KIRREL3: variants seen among roughly 807,000 people sequenced by gnomAD.
KIRREL3 encodes kirre like nephrin family adhesion molecule 3, also known as kin of IRRE-like protein 3.
In KIRREL3, 36 loss-of-function variants were observed where a neutral mutation model predicts 89.7. The ratio of observed to expected loss-of-function variants is 0.40; its 90% CI spans 0.31 to 0.53. KIRREL3 has a LOEUF of 0.53. Ranked by LOEUF, KIRREL3 falls within the 20% of genes least tolerant of loss-of-function variation. The pLI, the probability that KIRREL3 is intolerant of heterozygous loss-of-function variation, is 0.49. For missense variants in KIRREL3, 864 were observed against 1,056.6 expected, an observed-to-expected ratio of 0.82 and a Z score of 2.53; for synonymous variants, 445 against 441.4, an observed-to-expected ratio of 1.01 and a Z score of -0.10.
At position 126,480,184 on chromosome 11, in the gene KIRREL3, A is replaced by C. The variant is rs992156150; in HGVS notation, c.434-6718T>G. Among the ~76,000 whole-genome samples the C allele has an allele frequency of 3.3e-5, 5 of 152,344 alleles. No individual in the cohort carries two copies. The South Asian group carries it at 1.0e-3, about 32-fold the overall frequency. Reference sequence around the variant, plus strand: ...CACTTTATGAGCCATATGATTGTAGACAAGTTATATAATCCGACAACCTTA... The same window carrying C: ...CACTTTATGAGCCATATGATTGTAGCCAAGTTATATAATCCGACAACCTTA... On this transcript the variant is annotated intron_variant, in intron 4 of 16. Transcript: ENST00000525144.
chr11:126,716,762 A>C (rs12276142), intron 1 of KIRREL3, among the ~76,000 whole-genome samples: 110,149 of 129,854 alleles, frequency 0.85, 46,111 homozygotes, highest in East Asian at 0.99. Context: ...GGGGGGGGGA[A>C]GTGTGGGGGA....
intron 6 of KIRREL3, among the ~76,000 whole-genome samples, chr11:126,458,401 C>T (rs948758136): frequency 6.7e-6 from 1 of 149,212 alleles, no homozygotes; most frequent in Non-Finnish European, 1.5e-5. Flanking sequence ...GTCCTGAGAC[C>T]CTCAGAGAGT....
At chr11:126,827,600 T>A (rs182760427) in intron 1 of KIRREL3, among the ~76,000 whole-genome samples, 1 of 152,364 alleles carries the variant, frequency 6.6e-6, no homozygotes, top group East Asian at 1.9e-4. Context: ...TGAACCAGTT[T>A]TGAAAATAAG....
rs549243453 is a variant in KIRREL3 at position 126,886,003 on chromosome 11, C to A, written c.55+114452G>T. On this transcript the variant is annotated intron_variant, in intron 1 of 16. Coordinates refer to ENST00000525144, the MANE Select transcript of KIRREL3 (RefSeq NM_032531.4). ...CTTCCCACATTTAATGCGTTCCTCA[C>A]TTTAATTTTGCATTCTCATCTGCTC... Among the ~76,000 whole-genome samples the A allele has an allele frequency of 2.0e-5, 3 of 152,320 alleles. No homozygotes were observed. In the South Asian group the frequency reaches 6.2e-4, roughly 32 times the overall value.
chr11:126,789,441 G>T (rs1950572302), intron 1 of KIRREL3, among the ~76,000 whole-genome samples: 3 of 152,072 alleles, frequency 2.0e-5, no homozygotes, highest in Admixed American at 1.3e-4. Context: ...CTCACACTCT[G>T]TTCTGGCTGC....
chr11:126,741,013 A>T (rs1457082124), intron 1 of KIRREL3, among the ~76,000 whole-genome samples: 1 of 152,148 alleles, frequency 6.6e-6, no homozygotes. Context: ...CACCACAAGG[A>T]GCTCATTCCT....
At chr11:126,536,667 T>C (rs945120325) in intron 2 of KIRREL3, among the ~76,000 whole-genome samples, 1 of 99,074 alleles carries the variant, frequency 1.0e-5, no homozygotes, top group African/African-American at 3.9e-5. Flanking sequence ...TTTTTTTTTT[T>C]GAGTCTCGTT....
At chr11:126,560,691 A>G (rs1043331988) in intron 2 of KIRREL3, among the ~76,000 whole-genome samples, 1 of 152,264 alleles carries the variant, frequency 6.6e-6, no homozygotes, top group African/African-American at 2.4e-5. Flanking sequence ...ACTGTTAAAC[A>G]GAACAAATAT....
rs1955652694 is a variant in KIRREL3, at chr11:126,443,180, G to T, written c.1252+1799C>A. On this transcript the variant is annotated intron_variant, in intron 10 of 16. Transcript: ENST00000525144. The surrounding 1 kb of genome is among the most constrained non-coding windows in gnomAD (Gnocchi z 7.3). ...CTCATTTGATGCTCCAGGCTTGGGG[G>T]CCCTGGAGTGCATGAGTGAGTGTGA... Among the ~76,000 whole-genome samples, 1 of 152,196 alleles carries T rather than the reference G, an allele frequency of 6.6e-6. No homozygotes were observed. The highest frequency in any genetic ancestry group is 1.9e-4 in the East Asian group (1 of 5,184).
At chr11:126,840,893 G>A (rs2134522109) in intron 1 of KIRREL3, among the ~76,000 whole-genome samples, 1 of 152,328 alleles carries the variant, frequency 6.6e-6, no homozygotes, top group African/African-American at 2.4e-5. Flanking sequence ...AAAAGAAGCT[G>A]TAAAGTGCTT....
At chr11:126,629,731 C>G (rs1349732694) in intron 1 of KIRREL3, among the ~76,000 whole-genome samples, 1 of 152,194 alleles carries the variant, frequency 6.6e-6, no homozygotes, top group Admixed American at 6.5e-5. Flanking sequence ...TTTTCTGGCG[C>G]TTTCTTTGTG....
chr11:126,804,465 T>C (rs1227400035), intron 1 of KIRREL3, among the ~76,000 whole-genome samples: 1 of 152,190 alleles, frequency 6.6e-6, no homozygotes, highest in African/African-American at 2.4e-5. Flanking sequence ...AAATCTCCTC[T>C]TGTTTGTGGA....
At chr11:126,935,751 C>T (rs1287275717) in intron 1 of KIRREL3, 1 of 152,118 alleles carries the variant, frequency 6.6e-6, no homozygotes, top group Non-Finnish European at 1.5e-5. Context: ...AAGTAGGGCA[C>T]AGAGGATTTT....
rs530232332 is a variant in KIRREL3, at chr11:126,453,735, G to A, written c.848+2614C>T. Among the ~76,000 whole-genome samples the A allele has an allele frequency of 2.4e-3, 370 of 152,252 alleles. 1 individual carries two copies. The highest frequency in any genetic ancestry group is 3.9e-3 in the Non-Finnish European group (267 of 68,018). ...CTGGCTCTCTGGCATTAACCTGGGGGCCGGAGGGGCTCCCTGAAAGCCTCT... is the reference window on the plus strand; with the variant it reads ...CTGGCTCTCTGGCATTAACCTGGGGACCGGAGGGGCTCCCTGAAAGCCTCT... On this transcript the variant is annotated intron_variant, in intron 7 of 16. Coordinates refer to ENST00000525144, the MANE Select transcript of KIRREL3 (RefSeq NM_032531.4).
In KIRREL3 at chr11:126,605,339, C is replaced by T. The variant is rs536517687; in HGVS notation, c.56-42427G>A. 2.6e-5 allele frequency among the ~76,000 whole-genome samples: 4 copies of T among 152,312 alleles called. No individual in the cohort carries two copies. The highest frequency in any genetic ancestry group is 4.1e-4 in the South Asian group (2 of 4,826). ...CCCAGTGAGCAGCTTCATCTTCAGGCGTCGGGAGTGGGAGCAATGGAGCAC... is the reference window on the plus strand; with the variant it reads ...CCCAGTGAGCAGCTTCATCTTCAGGTGTCGGGAGTGGGAGCAATGGAGCAC... On this transcript the variant is annotated intron_variant, in intron 1 of 16. Transcript: ENST00000525144. The surrounding 1 kb of genome is among the most constrained non-coding windows in gnomAD (Gnocchi z 5.7).
chr11:126,652,553 G>A lies in KIRREL3; in HGVS notation c.56-89641C>T, dbSNP rs1944947910. 1.3e-5 allele frequency among the ~76,000 whole-genome samples: 2 copies of A among 152,224 alleles called. No homozygotes were observed. Among genetic ancestry groups the A allele is most frequent in the African/African-American group, 2.4e-5 (1 of 41,516 alleles). ...CAGGGGGCTGTGGACAAGAGGTCAG[G>A]CCATTTGCCAAAGTCCTCCACTCAA... On this transcript the variant is annotated intron_variant, in intron 1 of 16. Transcript: ENST00000525144. This position sits in a 1 kb window ranked among gnomAD's most constrained non-coding sequence, Gnocchi z 4.9.
chr11:126,514,582 G>A (rs1791629105), intron 4 of KIRREL3, among the ~76,000 whole-genome samples: 1 of 152,184 alleles, frequency 6.6e-6, no homozygotes, highest in African/African-American at 2.4e-5. Context: ...ATGCCTTGCT[G>A]CATAACAGGC....
chr11:126,872,442 T>C lies in KIRREL3; in HGVS notation c.55+128013A>G, dbSNP rs1945138319. On this transcript the variant is annotated intron_variant, in intron 1 of 16. Coordinates refer to ENST00000525144, the MANE Select transcript of KIRREL3 (RefSeq NM_032531.4). The surrounding 1 kb of genome is among the most constrained non-coding windows in gnomAD (Gnocchi z 4.2). ...CAGCAAGGAGCGGCTCCCCTGCTGC[T>C]GCTGTATGCTGCCACTTCAATAAAG... Among the ~76,000 whole-genome samples the C allele has an allele frequency of 6.6e-6, 1 of 152,224 alleles. No homozygotes were observed. Among genetic ancestry groups the C allele is most frequent in the Non-Finnish European group, 1.5e-5 (1 of 68,046 alleles).
In KIRREL3 at chr11:126,566,763, C is replaced by T. The variant is rs151040258; in HGVS notation, c.56-3851G>A. Reference sequence around the variant, plus strand: ...CATTCTTACTAGTAATGTAGTGATACGGTGGTATTATTTCATATTTGTGGG... The same window carrying T: ...CATTCTTACTAGTAATGTAGTGATATGGTGGTATTATTTCATATTTGTGGG... On this transcript the variant is annotated intron_variant, in intron 1 of 16. Coordinates refer to ENST00000525144, the MANE Select transcript of KIRREL3 (RefSeq NM_032531.4). This position sits in a 1 kb window ranked among gnomAD's most constrained non-coding sequence, Gnocchi z 4.9. 5.4e-4 allele frequency among the ~76,000 whole-genome samples: 82 copies of T among 152,220 alleles called. No individual in the cohort carries two copies. Among genetic ancestry groups the T allele is most frequent in the East Asian group, 2.9e-3 (15 of 5,188 alleles).
Sources: allele counts gnomAD v4.1 joint callset (sites outside exome capture counted in the v4.1 genomes callset), GRCh38; gene constraint gnomAD v4.1.1; non-coding constraint Gnocchi (gnomAD v3.1); transcripts MANE v1.5; gene names NCBI Gene and HGNC (gene_info 2026-07-23, HGNC 2026-07-21).